CD163: variants seen among roughly 807,000 people sequenced by gnomAD.
CD163 encodes scavenger receptor cysteine-rich type 1 protein M130.
A neutral mutation model predicts 129.2 loss-of-function variants in CD163; 64 were observed. The observed-to-expected ratio is 0.50, with a 90% CI of 0.41 to 0.61. The LOEUF (loss-of-function observed/expected upper bound fraction) is 0.61, where lower values mean the gene tolerates loss of function less well. Among genes scored for constraint, CD163 ranks in the 20% least tolerant of loss-of-function variants. The probability of loss-of-function intolerance (pLI) is 0.00; values close to 1 mark genes in which losing one functional copy is unlikely to be tolerated. For missense variants in CD163, 1,061 were observed against 1,377.9 expected (o/e 0.77, Z 3.64); for synonymous variants, 446 against 478.5 (o/e 0.93, Z 0.89).
chr12:7,482,756 G>A lies in CD163; in HGVS notation c.3134C>T (p.Ser1045Leu), dbSNP rs772177097. 3.7e-6 allele frequency: 6 copies of A among 1,614,004 alleles called. No individual in the cohort carries two copies. The Admixed American group carries it at 6.7e-5, about 18-fold the overall frequency. The change falls in exon 14 of 17, where the codon TCA becomes TTA. Residue 1045 changes from serine to leucine, a missense_variant. Physicochemically the swap from Ser to Leu is moderately radical, Grantham distance 145 (BLOSUM62 -2). Coordinates refer to ENST00000432237, the MANE Select transcript of CD163 (RefSeq NM_203416.4). ...TGCAATAAAGGATGACTGACGGGAT[G>A]AGCGACCTAAGTAAAAGTAAATATC... ...KTPQKATTGR[S>L]SRQSSFIAVG...
chr12:7,478,797 T>C (rs1034694204), intron 16 of CD163, among the ~76,000 whole-genome samples: 4 of 152,010 alleles, frequency 2.6e-5, no homozygotes, highest in African/African-American at 7.2e-5. Flanking sequence ...TGTAGATATA[T>C]AATATGTAGA....
chr12:7,495,080 C>A lies in CD163; in HGVS notation c.1420+1G>T. ...CTTAACAAGTTGATTGAAAGTCATA[C>A]CTGAGCAGGTAATTTTGGCTTCTTC... On this transcript the variant is annotated splice_donor_variant, in intron 6 of 16. Transcript: ENST00000432237. LOFTEE classifies it high-confidence loss of function. The A allele has an allele frequency of 1.2e-6, 2 of 1,612,600 alleles. No individual in the cohort carries two copies. Among genetic ancestry groups the A allele is most frequent in the Non-Finnish European group, 1.7e-6 (2 of 1,178,670 alleles).
intron 10 of CD163, among the ~76,000 whole-genome samples, 195 bp downstream of exon 10, chr12:7,486,304 C>T (rs1479372951): frequency 6.6e-6 from 1 of 152,110 alleles, no homozygotes; most frequent in Non-Finnish European, 1.5e-5. Context: ...CTGGTCTTTT[C>T]TCTTTACAAT....
intron 16 of CD163, chr12:7,471,837 A>G (rs900059997): frequency 6.6e-6 from 1 of 152,216 alleles, no homozygotes; most frequent in African/African-American, 2.4e-5. Context: ...CAAGTCACGA[A>G]CTACTGACTT....
In CD163 at chr12:7,485,374, G is replaced by T; in HGVS notation, c.2501C>A (p.Ala834Asp). 1 of 1,614,130 alleles carries T rather than the reference G, an allele frequency of 6.2e-7. No individual in the cohort carries two copies. Among genetic ancestry groups the T allele is most frequent in the Non-Finnish European group, 8.5e-7 (1 of 1,180,004 alleles). Residue 834 changes from alanine (A) to aspartate (D), a missense_variant, in exon 11 of 17, where the codon GCC becomes GAC. By Grantham distance (126) the Ala-to-Asp change is moderately radical. Coordinates refer to ENST00000432237, the MANE Select transcript of CD163 (RefSeq NM_203416.4). This position sits in a 1 kb window ranked among gnomAD's most constrained non-coding sequence, Gnocchi z 4.5. ...AAAAACTTCCAGACGCCCTGCACAG[G>T]CCTCTCTGCTGGCTTCACTGGTCAG... ...LRLTSEASRE[A>D]CAGRLEVFYN...
intron 4 of CD163, 22 bp from the exon 5 acceptor site, chr12:7,497,155 G>T: frequency 6.3e-7 from 1 of 1,592,010 alleles, no homozygotes. Flanking sequence ...ACACACAACA[G>T]GTCTGCGATA....
At chr12:7,478,385 A>G (rs1296594283) in intron 16 of CD163, among the ~76,000 whole-genome samples, 4 of 152,074 alleles carry the variant, frequency 2.6e-5, no homozygotes, top group African/African-American at 9.7e-5. Context: ...GGTATTTCAA[A>G]TTTTTGTTAG....
Position 7,485,395 on chromosome 12 carries a change from G to A in CD163, c.2480C>T (p.Thr827Ile). Residue 827 changes from threonine (T) to isoleucine (I), a missense_variant, in exon 11 of 17, where the codon ACC becomes ATC. Transcript: ENST00000432237. This position sits in a 1 kb window ranked among gnomAD's most constrained non-coding sequence, Gnocchi z 4.5. ...ACAGGCCTCTCTGCTGGCTTCACTG[G>A]TCAGTCTCAGAGACATGAATTCTGC... The part of the protein sequence containing the change: ...ICSEFMSLRL[T>I]SEASREACAG... The A allele has an allele frequency of 1.2e-6, 2 of 1,613,994 alleles. No individual in the cohort carries two copies. The highest frequency in any genetic ancestry group is 1.7e-6 in the Non-Finnish European group (2 of 1,179,906).
rs1452121262 is a variant in CD163, at chr12:7,495,196, T to A, written c.1305A>T (p.Thr435=). 6.2e-7 allele frequency: 1 copy of A among 1,614,170 alleles called. No individual in the cohort carries two copies. The highest frequency in any genetic ancestry group is 8.5e-7 in the Non-Finnish European group (1 of 1,179,992). Residue 435 remains threonine, a synonymous_variant, in exon 6 of 17, where the codon ACA becomes ACT. Transcript: ENST00000432237. The part of the protein sequence containing the change: ...QVYSKIQATN[T]WLFLSSCNGN... ...CGTTACAGCTACTTAGAAACAGCCA[T>A]GTGTTTGTTGCCTGGATTTTGGAGT...
intron 6 of CD163, among the ~76,000 whole-genome samples, chr12:7,492,285 C>T (rs1347417155): frequency 6.6e-6 from 1 of 152,070 alleles, no homozygotes; most frequent in Non-Finnish European, 1.5e-5. Flanking sequence ...ACGGAGCCCA[C>T]CTTAAGTTGC....
chr12:7,503,014 C>T (rs768646908), intron 1 of CD163, among the ~76,000 whole-genome samples: 8 of 152,248 alleles, frequency 5.3e-5, no homozygotes, highest in South Asian at 2.1e-4. Context: ...CATGAGTAAA[C>T]GAATTATATC....
chr12:7,501,531 A>G (rs1167316040), intron 2 of CD163, 69 bp from the exon 3 acceptor site: 2 of 1,179,702 alleles, frequency 1.7e-6, no homozygotes, highest in East Asian at 2.3e-5. Context: ...ATTTTTTTAC[A>G]TTACTTATTT....
chr12:7,495,994 T>C (rs1949394928), intron 5 of CD163, among the ~76,000 whole-genome samples: 1 of 152,240 alleles, frequency 6.6e-6, no homozygotes, highest in South Asian at 2.1e-4. Context: ...CAAAGGATTA[T>C]AAATCATTCT....
At chr12:7,498,062 C>T (rs1169122747) in intron 4 of CD163, among the ~76,000 whole-genome samples, 2 of 151,912 alleles carry the variant, frequency 1.3e-5, no homozygotes, top group African/African-American at 2.4e-5. Context: ...CTCTGGATTT[C>T]CCAGTTTTGT....
At chr12:7,497,356 T>C (rs1484122865) in intron 4 of CD163, among the ~76,000 whole-genome samples, 1 of 152,168 alleles carries the variant, frequency 6.6e-6, no homozygotes, top group African/African-American at 2.4e-5. Context: ...CTACAGGAAG[T>C]GTTTCTAACA....
intron 6 of CD163, 79 bp from the exon 7 acceptor site, chr12:7,488,166 G>A: frequency 2.1e-6 from 3 of 1,427,354 alleles, no homozygotes; most frequent in Non-Finnish European, 2.8e-6. Context: ...AGAAGGTGGT[G>A]TGGAGTGGGA....
intron 4 of CD163, among the ~76,000 whole-genome samples, chr12:7,497,998 C>T (rs1949425382): frequency 6.6e-6 from 1 of 152,086 alleles, no homozygotes; most frequent in Non-Finnish European, 1.5e-5. Context: ...AGATAGAACC[C>T]AGATGACATT....
rs1488254146 is a variant in CD163, at chr12:7,491,364, TGC to T, written c.1421-3279_1421-3278del. Among the ~76,000 whole-genome samples the T allele has an allele frequency of 3.3e-5, 5 of 152,106 alleles. No individual in the cohort carries two copies. In the East Asian group the frequency reaches 9.6e-4, roughly 29 times the overall value. ...TGTTAATCTATCCTATGGGTCGCTT[TGC>T]TTATATCGTTACTCTTTAGACATGG... On this transcript the variant is annotated intron_variant, in intron 6 of 16. Transcript: ENST00000432237.
chr12:7,471,834 C>G (rs1489578488), intron 16 of CD163: 1 of 152,246 alleles, frequency 6.6e-6, no homozygotes, highest in Admixed American at 6.5e-5. Flanking sequence ...CAGCAAGTCA[C>G]GAACTACTGA....
Sources: allele counts gnomAD v4.1 joint callset (sites outside exome capture counted in the v4.1 genomes callset), GRCh38; gene constraint gnomAD v4.1.1; non-coding constraint Gnocchi (gnomAD v3.1); transcripts MANE v1.5; gene names NCBI Gene and HGNC (gene_info 2026-07-23, HGNC 2026-07-21).